FTO: variants seen among roughly 807,000 people sequenced by gnomAD.
FTO encodes FTO alpha-ketoglutarate dependent dioxygenase, also known as alpha-ketoglutarate-dependent dioxygenase FTO.
FTO carries 47 observed loss-of-function variants against 63.9 expected under a neutral mutation model. The observed-to-expected ratio is 0.74, with a 90% confidence interval of 0.58 to 0.94. The LOEUF (loss-of-function observed/expected upper bound fraction) is 0.94, where lower values mean the gene tolerates loss of function less well. Ranked by LOEUF, FTO falls within the 40% of genes least tolerant of loss-of-function variation. The probability of loss-of-function intolerance (pLI) is 0.00; values close to 1 mark genes in which losing one functional copy is unlikely to be tolerated. For synonymous variants in FTO, 207 were observed against 224.4 expected, an observed-to-expected ratio of 0.92 and a Z score of 0.69; for missense variants, 562 against 618.1, an observed-to-expected ratio of 0.91 and a Z score of 0.96.
intron 8 of FTO, among the ~76,000 whole-genome samples, chr16:54,103,364 C>T (rs1040416881): frequency 8.5e-5 from 13 of 152,100 alleles, no homozygotes; most frequent in Admixed American, 5.9e-4. Flanking sequence ...AAGCCAAACC[C>T]GGCTTCTCAA....
chr16:53,714,505 T>G (rs1040166736), intron 1 of FTO, among the ~76,000 whole-genome samples: 1 of 152,218 alleles, frequency 6.6e-6, no homozygotes, highest in African/African-American at 2.4e-5. Flanking sequence ...TGAAATTTTT[T>G]TTTTGTCTGT....
chr16:53,916,274 C>G (rs1411037075), intron 7 of FTO, among the ~76,000 whole-genome samples: 1 of 152,120 alleles, frequency 6.6e-6, no homozygotes. Context: ...GGCGGGCTAG[C>G]AGACTGATGC....
At chr16:53,839,771 T>A (rs7189361) in intron 3 of FTO, among the ~76,000 whole-genome samples, 51 of 49,592 alleles carry the variant, frequency 1.0e-3, no homozygotes, top group South Asian at 5.5e-3. Context: ...TTGGTTTTCT[T>A]TTTTTTTATT....
At chr16:54,104,387 G>A (rs548415775) in intron 8 of FTO, among the ~76,000 whole-genome samples, 66 of 149,038 alleles carry the variant, frequency 4.4e-4, no homozygotes, top group Middle Eastern at 6.9e-3. Flanking sequence ...ATCTCGGCTC[G>A]CTGCAATCTC....
At chr16:54,040,395 A>T (rs1445352283) in intron 8 of FTO, 1 of 152,234 alleles carries the variant, frequency 6.6e-6, no homozygotes, top group Admixed American at 6.5e-5. Context: ...CAACACACAG[A>T]TTATTTGAAA....
chr16:53,935,371 T>C (rs988656491), intron 8 of FTO, among the ~76,000 whole-genome samples: 3 of 152,226 alleles, frequency 2.0e-5, no homozygotes, highest in African/African-American at 7.2e-5. Flanking sequence ...ATGAGCATTT[T>C]CCAAGAAAGG....
At chr16:53,975,532 A>G (rs2083416169) in intron 8 of FTO, among the ~76,000 whole-genome samples, 1 of 152,062 alleles carries the variant, frequency 6.6e-6, no homozygotes, top group Non-Finnish European at 1.5e-5. Context: ...TATTCTAAAT[A>G]TTGGCTTTCT....
intron 3 of FTO, among the ~76,000 whole-genome samples, chr16:53,831,104 G>C (rs752661033): frequency 2.6e-5 from 4 of 152,104 alleles, no homozygotes; most frequent in Admixed American, 6.5e-5. Context: ...CGTAATTCTT[G>C]AATCTCTATT....
intron 7 of FTO, among the ~76,000 whole-genome samples, chr16:53,909,532 CTTTTTTTTTTTT>C (rs58121446): frequency 1.4e-4 from 10 of 71,186 alleles, no homozygotes; most frequent in East Asian, 1.2e-3. Context: ...AGAGCCCCGC[CTTTTTTTTTTTT>C]TTTTTTTTTT....
chr16:53,710,505 C>T (rs769957539), intron 1 of FTO, among the ~76,000 whole-genome samples: 41 of 152,068 alleles, frequency 2.7e-4, no homozygotes, highest in Non-Finnish European at 5.1e-4. Flanking sequence ...CCTCGTGATT[C>T]ACCTGCCTCG....
At chr16:54,077,475 C>T (rs1346810337) in intron 8 of FTO, among the ~76,000 whole-genome samples, 5 of 152,096 alleles carry the variant, frequency 3.3e-5, no homozygotes, top group African/African-American at 1.2e-4. Flanking sequence ...TCTGACATCA[C>T]CTGTGAGTCA....
At chr16:53,902,075 C>T (rs2081418706) in intron 7 of FTO, among the ~76,000 whole-genome samples, 1 of 152,164 alleles carries the variant, frequency 6.6e-6, no homozygotes, top group Admixed American at 6.5e-5. Flanking sequence ...TTTTAGAATG[C>T]CTTCTTCTTT....
intron 5 of FTO, among the ~76,000 whole-genome samples, chr16:53,877,962 A>G (rs2080710687): frequency 6.6e-6 from 1 of 152,212 alleles, no homozygotes; most frequent in South Asian, 2.1e-4. Context: ...TTGGGAAAGT[A>G]AAGGTGCAAG....
At chr16:53,928,256 G>A (rs1423138967) in intron 7 of FTO, among the ~76,000 whole-genome samples, 1 of 152,156 alleles carries the variant, frequency 6.6e-6, no homozygotes, top group African/African-American at 2.4e-5. Context: ...GTTTCCTAAT[G>A]AAATGAAATT....
intron 1 of FTO, among the ~76,000 whole-genome samples, chr16:53,722,145 T>C (rs1482519874): frequency 1.3e-5 from 2 of 152,214 alleles, no homozygotes; most frequent in Non-Finnish European, 2.9e-5. Flanking sequence ...CCGACTTTAT[T>C]TCCTGTGTCA....
chr16:53,847,022 G>A (rs1043989219), intron 4 of FTO, among the ~76,000 whole-genome samples: 8 of 152,106 alleles, frequency 5.3e-5, no homozygotes, highest in African/African-American at 1.7e-4. Context: ...TTCTGTATAT[G>A]TATGTCTGGA....
At chr16:54,099,383 T>G (rs1429280881) in intron 8 of FTO, among the ~76,000 whole-genome samples, 2 of 152,212 alleles carry the variant, frequency 1.3e-5, no homozygotes, top group Non-Finnish European at 2.9e-5. Flanking sequence ...ATTGTATATC[T>G]TTTGTTGAGC....
At chr16:53,741,465 G>C (rs1437629815) in intron 1 of FTO, among the ~76,000 whole-genome samples, 1 of 152,016 alleles carries the variant, frequency 6.6e-6, no homozygotes, top group African/African-American at 2.4e-5. Flanking sequence ...TATTTGTATT[G>C]TACAAACCCA....
At chr16:53,839,081 A>G (rs950882931) in intron 3 of FTO, among the ~76,000 whole-genome samples, 1 of 152,188 alleles carries the variant, frequency 6.6e-6, no homozygotes, top group African/African-American at 2.4e-5. Flanking sequence ...GCTTTATTAA[A>G]TAGAATTTTT....
Sources: allele counts gnomAD v4.1 joint callset (sites outside exome capture counted in the v4.1 genomes callset), GRCh38; gene constraint gnomAD v4.1.1; transcripts MANE v1.5; gene names NCBI Gene and HGNC (gene_info 2026-07-23, HGNC 2026-07-21).